NAV3: variants seen among roughly 807,000 people sequenced by gnomAD.
NAV3 encodes the protein pore membrane and/or filament interacting like protein 1.
In NAV3, 87 loss-of-function variants were observed where a neutral mutation model predicts 244.7. The observed-to-expected ratio is 0.36, with a 90% CI of 0.30 to 0.42. The LOEUF (loss-of-function observed/expected upper bound fraction) is 0.42, where lower values mean the gene tolerates loss of function less well. Among genes scored for constraint, NAV3 ranks in the 20% least tolerant of loss-of-function variants. NAV3 has a pLI of 1.00. For missense variants in NAV3, 2,663 were observed against 2,893.3 expected (o/e 0.92, Z 1.83); for synonymous variants, 1,126 against 1,042.2 (o/e 1.08, Z -1.55).
At chr12:77,576,273 C>T (rs1009260271) in intron 2 of NAV3, among the ~76,000 whole-genome samples, 7 of 151,810 alleles carry the variant, frequency 4.6e-5, no homozygotes, top group African/African-American at 1.7e-4. Flanking sequence ...ATTTTAGGCT[C>T]CTGTGATTTT....
At chr12:77,910,197 C>A (rs1007613910) in intron 1 of NAV3, among the ~76,000 whole-genome samples, 3 of 151,996 alleles carry the variant, frequency 2.0e-5, no homozygotes, top group African/African-American at 7.2e-5. Context: ...GTTCTGTAGA[C>A]TGTACAGGAA....
intron 12 of NAV3, among the ~76,000 whole-genome samples, chr12:78,108,204 A>G (rs1197208774): frequency 6.6e-6 from 1 of 152,176 alleles, no homozygotes; most frequent in African/African-American, 2.4e-5. Flanking sequence ...AGTAAAATAA[A>G]AAAGACAAAG....
intron 19 of NAV3, 30 bp from the exon 20 acceptor site, chr12:78,140,252 T>C (rs1249942146): frequency 6.2e-7 from 1 of 1,602,188 alleles, no homozygotes; most frequent in South Asian, 1.1e-5. Flanking sequence ...CTTATTGTTT[T>C]AACTCTATTG....
At chr12:77,838,159 T>C (rs1456267238) in intron 1 of NAV3, among the ~76,000 whole-genome samples, 1 of 152,268 alleles carries the variant, frequency 6.6e-6, no homozygotes, top group Non-Finnish European at 1.5e-5. Context: ...TTTCTTTTTC[T>C]AGTTATAACT....
intron 12 of NAV3, among the ~76,000 whole-genome samples, chr12:78,079,324 T>C (rs1051382004): frequency 3.9e-5 from 6 of 152,158 alleles, no homozygotes; most frequent in African/African-American, 9.7e-5. Context: ...TGGAAAAAAA[T>C]AGAATCATAA....
intron 2 of NAV3, among the ~76,000 whole-genome samples, chr12:77,706,524 G>A (rs1875807478): frequency 1.3e-5 from 2 of 151,236 alleles, no homozygotes; most frequent in South Asian, 2.1e-4. Flanking sequence ...TTGGCTGATC[G>A]TTATCAATAA....
chr12:77,685,644 C>G (rs1735909499), intron 2 of NAV3, among the ~76,000 whole-genome samples: 1 of 152,156 alleles, frequency 6.6e-6, no homozygotes, highest in Non-Finnish European at 1.5e-5. Flanking sequence ...AGATTCTCAT[C>G]TCCACCCAGC....
chr12:77,967,344 A>G (rs556976727), intron 4 of NAV3, among the ~76,000 whole-genome samples: 2 of 152,278 alleles, frequency 1.3e-5, no homozygotes, highest in East Asian at 3.9e-4. Context: ...TTTCAGGTTT[A>G]TAGGAGAAAA....
rs745350770 is a variant in NAV3, at chr12:77,968,648, C to A, written c.617C>A (p.Ala206Asp). 1 of 1,614,094 alleles carries A rather than the reference C, an allele frequency of 6.2e-7. No individual in the cohort carries two copies. The highest frequency in any genetic ancestry group is 2.2e-5 in the East Asian group (1 of 44,858). The change falls in exon 5 of 40, where the codon GCT becomes GAT. Residue 206 changes from alanine (A) to aspartate (D), a missense_variant. Transcript: ENST00000397909. ...LVELQQRVTH[A>D]SPPSEASQAK... ...GAACTTCAGCAGCGAGTTACTCACG[C>A]TTCCCCTCCATCGGAAGCCAGCCAG...
At chr12:78,177,063 A>G in intron 26 of NAV3, 78 bp from the exon 27 acceptor site, 1 of 1,473,096 alleles carries the variant, frequency 6.8e-7, no homozygotes, top group Non-Finnish European at 9.4e-7. Context: ...CTAGGATGGC[A>G]TCTGCAAACT....
In NAV3 at chr12:77,796,845, GT is replaced by G. The variant is rs146502457; in HGVS notation, c.73-143463del. On this transcript the variant is annotated intron_variant, in intron 2 of 8. Coordinates refer to the NAV3 transcript ENST00000550042. ...TAGCAATAAAGTATTTTTAATTAAGGTTTTTTTTTTTAAATATAATGCTATT... is the reference window on the plus strand; with the variant it reads ...TAGCAATAAAGTATTTTTAATTAAGGTTTTTTTTTTAAATATAATGCTATT... 3.1e-3 allele frequency among the ~76,000 whole-genome samples: 466 copies of G among 149,082 alleles called. 4 individuals carry two copies. The highest frequency in any genetic ancestry group is 9.8e-3 in the African/African-American group (399 of 40,666).
intron 2 of NAV3, among the ~76,000 whole-genome samples, chr12:77,723,249 C>T (rs1876721034): frequency 7.0e-6 from 1 of 142,322 alleles, no homozygotes; most frequent in African/African-American, 2.4e-5. Flanking sequence ...CTACATTTTA[C>T]AGAAGTGACT....
chr12:77,863,724 G>GA (rs34525024), intron 1 of NAV3, among the ~76,000 whole-genome samples: 37,250 of 148,004 alleles, frequency 0.25, 4,956 homozygotes, highest in East Asian at 0.43. Context: ...TTCTTACAAT[G>GA]AAAAAAAAAA....
At chr12:78,074,667 A>T (rs980056192) in intron 12 of NAV3, among the ~76,000 whole-genome samples, 1 of 152,126 alleles carries the variant, frequency 6.6e-6, no homozygotes, top group Non-Finnish European at 1.5e-5. Context: ...TCGTGTCACT[A>T]TACTCCAGCC....
chr12:78,022,773 A>G (rs1593302071), intron 9 of NAV3, among the ~76,000 whole-genome samples: 3 of 152,288 alleles, frequency 2.0e-5, no homozygotes, highest in Admixed American at 6.5e-5. Flanking sequence ...GGCAGACCTG[A>G]AAAATATTTG....
intron 2 of NAV3, among the ~76,000 whole-genome samples, chr12:77,800,382 G>T (rs1592694388): frequency 6.6e-6 from 1 of 152,144 alleles, no homozygotes; most frequent in Non-Finnish European, 1.5e-5. Context: ...GTCATTGTAG[G>T]AAAGTGTTTT....
upstream of NAV3, among the ~76,000 whole-genome samples, chr12:77,830,716 C>T (rs1392642802): frequency 6.6e-6 from 1 of 152,174 alleles, no homozygotes; most frequent in Non-Finnish European, 1.5e-5. Context: ...TCATGGCTGT[C>T]AGTAGTGAAA....
At chr12:77,706,907 A>T (rs934797359) in intron 2 of NAV3, among the ~76,000 whole-genome samples, 1 of 150,386 alleles carries the variant, frequency 6.6e-6, no homozygotes, top group African/African-American at 2.4e-5. Context: ...AAAAAAAAAA[A>T]ACTAGGAAAA....
intron 1 of NAV3, among the ~76,000 whole-genome samples, chr12:77,901,432 A>G (rs1234774823): frequency 6.6e-6 from 1 of 152,124 alleles, no homozygotes; most frequent in Non-Finnish European, 1.5e-5. Context: ...GTTTCAGGCC[A>G]GGTGTGGTGG....
Sources: allele counts gnomAD v4.1 joint callset (sites outside exome capture counted in the v4.1 genomes callset), GRCh38; gene constraint gnomAD v4.1.1; transcripts MANE v1.5; gene names NCBI Gene and HGNC (gene_info 2026-07-23, HGNC 2026-07-21).